FGF12: variants seen among roughly 807,000 people sequenced by gnomAD.
FGF12 encodes the protein fibroblast growth factor 12B.
A neutral mutation model predicts 23.6 loss-of-function variants in FGF12; 14 were observed. The observed-to-expected ratio is 0.59, with a 90% CI of 0.39 to 0.93. The LOEUF (loss-of-function observed/expected upper bound fraction) is 0.93. FGF12 is among the 40% of genes least tolerant of loss of function. The pLI, the probability that FGF12 is intolerant of heterozygous loss-of-function variation, is 0.00. For missense variants in FGF12, 175 were observed against 217.8 expected (o/e 0.80, Z 1.24); for synonymous variants, 62 against 77.3 (o/e 0.80, Z 1.04).
At chr3:192,544,540 AT>A (rs1254640153) in intron 2 of FGF12, among the ~76,000 whole-genome samples, 1 of 152,150 alleles carries the variant, frequency 6.6e-6, no homozygotes, top group Non-Finnish European at 1.5e-5. Context: ...AAATTATCTC[AT>A]CCTTCTGAGA....
intron 2 of FGF12, among the ~76,000 whole-genome samples, chr3:192,402,640 A>G (rs1317228543): frequency 2.6e-5 from 4 of 152,202 alleles, no homozygotes; most frequent in Non-Finnish European, 5.9e-5. Flanking sequence ...AACAAGTCTC[A>G]TTGCCACTTG....
intron 4 of FGF12, among the ~76,000 whole-genome samples, chr3:192,189,769 C>T (rs922480803): frequency 2.0e-5 from 3 of 152,096 alleles, no homozygotes; most frequent in African/African-American, 7.2e-5. Flanking sequence ...TCACCATAAC[C>T]ACGAGAAAAT....
At chr3:192,188,579 CTAAG>C (rs1052939965) in intron 4 of FGF12, among the ~76,000 whole-genome samples, 8 of 152,160 alleles carry the variant, frequency 5.3e-5, no homozygotes, top group African/African-American at 1.2e-4. Context: ...TTAGAAACAA[CTAAG>C]TGTGTCATGT....
At chr3:192,362,478 A>G (rs1239035820) in intron 2 of FGF12, among the ~76,000 whole-genome samples, 1 of 151,978 alleles carries the variant, frequency 6.6e-6, no homozygotes, top group Non-Finnish European at 1.5e-5. Flanking sequence ...ATGAGTGAGA[A>G]CACGCAGTGT....
At chr3:192,191,291 A>G (rs1328892856) in intron 4 of FGF12, among the ~76,000 whole-genome samples, 2 of 152,214 alleles carry the variant, frequency 1.3e-5, no homozygotes, top group Non-Finnish European at 2.9e-5. Context: ...GTGATACTAT[A>G]ATGGCTGATA....
At chr3:192,474,115 G>A (rs1723249304) in intron 2 of FGF12, among the ~76,000 whole-genome samples, 1 of 152,184 alleles carries the variant, frequency 6.6e-6, no homozygotes, top group South Asian at 2.1e-4. Flanking sequence ...TTAAGGATAA[G>A]AATGATATCA....
In FGF12 at chr3:192,514,994, G is replaced by T; in HGVS notation, c.14-154456C>A. The T allele has an allele frequency of 3.1e-6, 1 of 326,758 alleles. No homozygotes were observed. The allele number at this position is 326,758 out of a possible 1,614,324, so 20.2% of individuals were successfully genotyped here. A position where few individuals can be genotyped will look rare whatever the true frequency, so the allele number is the denominator to read the frequency against. On this transcript the variant is annotated intron_variant, in intron 2 of 5. Coordinates refer to ENST00000445105, the MANE Select transcript of FGF12 (RefSeq NM_004113.6). The surrounding 1 kb of genome is among the most constrained non-coding windows in gnomAD (Gnocchi z 4.9). ...GAGCCCGAGGCGCTGCCACCCCTCG[G>T]TGGGCTCGAGCACGGCCCCTTGAGA...
intron 2 of FGF12, among the ~76,000 whole-genome samples, chr3:192,628,489 A>G (rs886610902): frequency 4.1e-5 from 5 of 120,540 alleles, no homozygotes; most frequent in African/African-American, 1.6e-4. Flanking sequence ...ACACACACAG[A>G]CATATATGTA....
chr3:192,513,214 T>C (rs1724547688), intron 2 of FGF12, among the ~76,000 whole-genome samples: 1 of 152,144 alleles, frequency 6.6e-6, no homozygotes, highest in Non-Finnish European at 1.5e-5. Context: ...CACATATCTC[T>C]ACTGGCTTCT....
rs906872775 is a variant in FGF12, at chr3:192,140,304, C to T, written c.*3705G>A. The T allele has an allele frequency of 1.3e-5, 2 of 151,916 alleles. No individual in the cohort carries two copies. Among genetic ancestry groups the T allele is most frequent in the African/African-American group, 2.4e-5 (1 of 41,390 alleles). The allele number at this position is 151,916 out of a possible 1,614,324, so 9.4% of individuals were successfully genotyped here. A position where few individuals can be genotyped will look rare whatever the true frequency, so the allele number is the denominator to read the frequency against. Reference sequence around the variant, plus strand: ...TTTTATGACAGAGAAATAACCTCAGCCTTTTATGGTATTAAAATGAGCAGG... The same window carrying T: ...TTTTATGACAGAGAAATAACCTCAGTCTTTTATGGTATTAAAATGAGCAGG... On this transcript the variant is annotated 3_prime_UTR_variant, in exon 6 of 6. Transcript: ENST00000445105.
chr3:192,627,561 C>T (rs376944858), intron 2 of FGF12, among the ~76,000 whole-genome samples: 1 of 152,076 alleles, frequency 6.6e-6, no homozygotes, highest in African/African-American at 2.4e-5. Context: ...TATCTATTTT[C>T]CTCTGTCCTT....
At chr3:192,510,370 A>G (rs1382846622) in intron 2 of FGF12, among the ~76,000 whole-genome samples, 1 of 152,262 alleles carries the variant, frequency 6.6e-6, no homozygotes, top group Non-Finnish European at 1.5e-5. Flanking sequence ...CAAGGATATG[A>G]AAAGATATTC....
chr3:192,308,846 T>A (rs1715791659), intron 4 of FGF12, among the ~76,000 whole-genome samples: 1 of 152,170 alleles, frequency 6.6e-6, no homozygotes, highest in Non-Finnish European at 1.5e-5. Context: ...ATTAGGTGAA[T>A]GTTAAATATT....
intron 2 of FGF12, among the ~76,000 whole-genome samples, chr3:192,540,434 T>C (rs944712660): frequency 6.6e-6 from 1 of 152,138 alleles, no homozygotes. Flanking sequence ...AATTTCCTCA[T>C]GGTTGTATAG....
intron 2 of FGF12, among the ~76,000 whole-genome samples, chr3:192,582,127 G>T (rs1465342685): frequency 2.6e-5 from 4 of 151,012 alleles, no homozygotes; most frequent in African/African-American, 9.8e-5. Context: ...ATTACACTTT[G>T]CATTTTATTT....
At chr3:192,289,324 T>C (rs1714630854) in intron 4 of FGF12, among the ~76,000 whole-genome samples, 1 of 152,138 alleles carries the variant, frequency 6.6e-6, no homozygotes, top group Non-Finnish European at 1.5e-5. Context: ...CCTAGCTAAA[T>C]ACATCAATAA....
intron 2 of FGF12, among the ~76,000 whole-genome samples, chr3:192,674,592 A>T (rs1422611965): frequency 1.3e-5 from 2 of 152,200 alleles, no homozygotes; most frequent in African/African-American, 4.8e-5. Context: ...TCCACTGTAA[A>T]AAAAAGTTTT....
chr3:192,346,454 T>G (rs1717965348), intron 3 of FGF12, among the ~76,000 whole-genome samples: 1 of 152,218 alleles, frequency 6.6e-6, no homozygotes, highest in South Asian at 2.1e-4. Flanking sequence ...TGTTGATCAC[T>G]ATGGCTTTTG....
intron 2 of FGF12, among the ~76,000 whole-genome samples, chr3:192,510,952 T>C (rs1724451003): frequency 6.6e-6 from 1 of 152,126 alleles, no homozygotes; most frequent in African/African-American, 2.4e-5. Flanking sequence ...AGGCCATAGG[T>C]TTTCAGGGAT....
Sources: gnomAD v4.1 joint callset for allele counts (sites outside exome capture counted in the v4.1 genomes callset) on GRCh38, gnomAD v4.1.1 for gene constraint, Gnocchi (gnomAD v3.1) non-coding constraint, MANE v1.5 for transcripts, NCBI Gene and HGNC (gene_info 2026-07-23, HGNC 2026-07-21) for gene names.